Variants in CHODL observed in about 807,000 individuals in gnomAD.
CHODL encodes transmembrane protein MT75.
A neutral mutation model predicts 34.5 loss-of-function variants in CHODL; 29 were observed. The ratio of observed to expected loss-of-function variants is 0.84; its 90% CI spans 0.63 to 1.15. CHODL has a LOEUF of 1.15. Ranked by LOEUF, CHODL falls within the 50% of genes most tolerant of loss-of-function variation. The pLI, the probability that CHODL is intolerant of heterozygous loss-of-function variation, is 0.00. For missense variants in CHODL, 332 were observed against 332.5 expected (o/e 1.00, Z 0.01); for synonymous variants, 125 against 116.1 (o/e 1.08, Z -0.49).
chr21:18,061,029 C>T (rs154741), intron 2 of CHODL, among the ~76,000 whole-genome samples: 69,726 of 151,972 alleles, frequency 0.46, 17,227 homozygotes, highest in East Asian at 0.95. Flanking sequence ...GAAGTGAGGC[C>T]GAAGTTCTTT....
intron 1 of CHODL, among the ~76,000 whole-genome samples, chr21:18,247,273 G>A (rs1327409066): frequency 6.6e-6 from 1 of 152,020 alleles, no homozygotes; most frequent in Non-Finnish European, 1.5e-5. Flanking sequence ...AATCTTTATT[G>A]AAGAGTAAGA....
rs189111072 is a variant in CHODL, at chr21:17,980,014, A to G, written c.-144-47858A>G. Among the ~76,000 whole-genome samples the G allele has an allele frequency of 6.4e-4, 97 of 152,090 alleles. 1 individual carries two copies. In the South Asian group the frequency reaches 0.017, roughly 26 times the overall value. ...TACTTCAATAGAAAAATGTTGACAT[A>G]AATTAAAAGTGAGCACTGAGTTGTT... On this transcript the variant is annotated intron_variant, in intron 1 of 6. Transcript: ENST00000400127.
intron 2 of CHODL, among the ~76,000 whole-genome samples, chr21:18,162,419 C>CTCTCTA (rs1448424261): frequency 6.6e-6 from 1 of 151,392 alleles, no homozygotes; most frequent in Non-Finnish European, 1.5e-5. Context: ...TTTTCTCTCT[C>CTCTCTA]TCTCTCTCTC....
intron 2 of CHODL, among the ~76,000 whole-genome samples, chr21:18,167,253 G>A (rs948623790): frequency 8.8e-5 from 12 of 136,516 alleles, no homozygotes; most frequent in African/African-American, 3.3e-4. Flanking sequence ...GTGTGTGTGT[G>A]TGTATTTTGG....
chr21:18,230,455 G>T (rs1166555963), intron 2 of CHODL, among the ~76,000 whole-genome samples: 4 of 152,044 alleles, frequency 2.6e-5, no homozygotes, highest in Admixed American at 6.6e-5. Flanking sequence ...TTACATTCCT[G>T]TGATTATTAA....
intron 2 of CHODL, among the ~76,000 whole-genome samples, chr21:18,147,112 G>C (rs2072900297): frequency 6.6e-6 from 1 of 152,116 alleles, no homozygotes; most frequent in Non-Finnish European, 1.5e-5. Context: ...CTATTCTCTA[G>C]GGCTATTTTG....
upstream of CHODL, among the ~76,000 whole-genome samples, chr21:18,241,796 G>T (rs183452078): frequency 6.6e-6 from 1 of 152,130 alleles, no homozygotes; most frequent in African/African-American, 2.4e-5. Flanking sequence ...TTTTGAAAAC[G>T]TTGGATTCCA....
chr21:17,936,497 C>T (rs1600983500), intron 1 of CHODL, among the ~76,000 whole-genome samples: 1 of 150,674 alleles, frequency 6.6e-6, no homozygotes, highest in East Asian at 1.9e-4. Context: ...AGAAAGAGTC[C>T]ATTTGGAAAA....
intron 2 of CHODL, among the ~76,000 whole-genome samples, chr21:18,228,462 T>G (rs1423792941): frequency 4.6e-5 from 7 of 152,182 alleles, no homozygotes; most frequent in African/African-American, 1.7e-4. Flanking sequence ...TAGTTTCATG[T>G]CTGTGCTACG....
intron 4 of CHODL, 32 bp from the exon 5 acceptor site, chr21:18,262,759 T>A (rs1417227380): frequency 8.1e-7 from 1 of 1,228,202 alleles, no homozygotes; most frequent in African/African-American, 1.5e-5. Flanking sequence ...TCCTCAACTA[T>A]CTTTTCACAT....
chr21:18,013,847 C>T (rs2064044967), intron 1 of CHODL, among the ~76,000 whole-genome samples: 2 of 151,776 alleles, frequency 1.3e-5, no homozygotes, highest in South Asian at 4.2e-4. Flanking sequence ...ATTGGTCAGG[C>T]TGGTCTCGAA....
intron 2 of CHODL, among the ~76,000 whole-genome samples, chr21:18,035,507 G>C (rs1248122081): frequency 6.6e-6 from 1 of 151,812 alleles, no homozygotes; most frequent in Non-Finnish European, 1.5e-5. Flanking sequence ...CCTCGAATTT[G>C]GAATATTTTA....
chr21:17,983,143 C>T (rs961222123), intron 1 of CHODL, among the ~76,000 whole-genome samples: 1 of 152,174 alleles, frequency 6.6e-6, no homozygotes, highest in African/African-American at 2.4e-5. Context: ...TATGCATACT[C>T]TTTCTAATCT....
intron 1 of CHODL, among the ~76,000 whole-genome samples, chr21:17,950,348 T>G (rs940535775): frequency 3.3e-5 from 5 of 151,836 alleles, no homozygotes; most frequent in Non-Finnish European, 7.4e-5. Context: ...AGATGGAGAT[T>G]AAGACCAAAC....
chr21:17,996,259 A>G (rs546784898), intron 1 of CHODL, among the ~76,000 whole-genome samples: 1 of 152,332 alleles, frequency 6.6e-6, no homozygotes, highest in South Asian at 2.1e-4. Flanking sequence ...ATTATAGTCT[A>G]AAGAATAGGG....
intron 2 of CHODL, among the ~76,000 whole-genome samples, chr21:18,229,877 G>T (rs2073963405): frequency 6.6e-6 from 1 of 152,082 alleles, no homozygotes; most frequent in East Asian, 1.9e-4. Context: ...AACACGAAAG[G>T]ATAATCTTCG....
intron 1 of CHODL, among the ~76,000 whole-genome samples, chr21:17,973,146 A>T (rs2063630187): frequency 6.6e-6 from 1 of 152,184 alleles, no homozygotes; most frequent in Admixed American, 6.5e-5. Context: ...TTAACTCAAG[A>T]TGGTTAAAGA....
At chr21:18,030,123 C>A (rs921225477) in intron 2 of CHODL, among the ~76,000 whole-genome samples, 3 of 152,114 alleles carry the variant, frequency 2.0e-5, no homozygotes, top group African/African-American at 7.2e-5. Context: ...TAATGGCTAA[C>A]TTCTAACTAA....
At position 18,127,669 on chromosome 21, in the gene CHODL, ATTGTTT is replaced by A. The variant is rs1174100369; in HGVS notation, c.-45+99701_-45+99706del. Among the ~76,000 whole-genome samples the A allele has an allele frequency of 4.8e-4, 37 of 76,702 alleles. No homozygotes were observed. In the East Asian group the frequency reaches 9.0e-3, roughly 19 times the overall value. The allele number at this position is 76,702 out of a possible 152,430, so 50.3% of individuals were successfully genotyped here. On this transcript the variant is annotated intron_variant, in intron 2 of 6. Coordinates refer to the CHODL transcript ENST00000400127. Reference sequence around the variant, plus strand: ...TGGTTACATAACCAGTTGCGTTGCCATTGTTTTTTTTTTTTTTTTTTTTTTTTTTTT... The same window carrying A: ...TGGTTACATAACCAGTTGCGTTGCCATTTTTTTTTTTTTTTTTTTTTTTTT...
Sources: allele counts gnomAD v4.1 joint callset (sites outside exome capture counted in the v4.1 genomes callset), GRCh38; gene constraint gnomAD v4.1.1; transcripts MANE v1.5; gene names NCBI Gene and HGNC (gene_info 2026-07-23, HGNC 2026-07-21).